Variants in TAB3 observed in about 807,000 individuals in gnomAD.
The protein encoded by TAB3 is TGF-beta activated kinase 1 (MAP3K7) binding protein 3, also known as TGF-beta-activated kinase 1 and MAP3K7-binding protein 3.
TAB3 carries 18 observed loss-of-function variants against 48.1 expected under a neutral mutation model. The observed-to-expected ratio is 0.37, with a 90% confidence interval of 0.26 to 0.55. TAB3 has a LOEUF of 0.55. TAB3 is among the 20% of genes least tolerant of loss of function. The pLI, the probability that TAB3 is intolerant of heterozygous loss-of-function variation, is 0.78. For missense variants in TAB3, 414 were observed against 549.8 expected, an observed-to-expected ratio of 0.75 and a Z score of 2.47; for synonymous variants, 185 against 190.2, an observed-to-expected ratio of 0.97 and a Z score of 0.22.
At chrX:30,855,826 CTG>C (rs1939048540) in intron 5 of TAB3, among the ~76,000 whole-genome samples, 1 of 112,040 alleles carries the variant, frequency 8.9e-6, no homozygotes, top group African/African-American at 3.2e-5. Context: ...CTAATGAACA[CTG>C]TGACTCAACC....
At chrX:30,888,856 C>T (rs1321145633) in intron 1 of TAB3, among the ~76,000 whole-genome samples, 1 of 112,635 alleles carries the variant, frequency 8.9e-6, no homozygotes, top group East Asian at 2.8e-4. Context: ...ATCAAGTCGA[C>T]ACCCCACCCC....
intron 4 of TAB3, among the ~76,000 whole-genome samples, chrX:30,865,405 C>T (rs1478876657): frequency 8.9e-6 from 1 of 112,067 alleles, no homozygotes; most frequent in African/African-American, 3.2e-5. Context: ...TGGTCTGGTC[C>T]AGTAATAATT....
intron 7 of TAB3, among the ~76,000 whole-genome samples, chrX:30,848,393 G>A (rs1441904170): frequency 1.8e-5 from 2 of 111,337 alleles, no homozygotes; most frequent in Non-Finnish European, 3.8e-5. Flanking sequence ...GTGGTGGTGC[G>A]TGCCTGTAGT....
intron 9 of TAB3, among the ~76,000 whole-genome samples, chrX:30,840,062 C>T (rs967067133): frequency 3.8e-4 from 41 of 108,259 alleles, no homozygotes; most frequent in African/African-American, 1.4e-3. Context: ...AAGCTTACTG[C>T]ATAAAGATGT....
At chrX:30,866,727 G>T (rs1471085586) in intron 4 of TAB3, among the ~76,000 whole-genome samples, 1 of 109,429 alleles carries the variant, frequency 9.1e-6, no homozygotes, top group Non-Finnish European at 1.9e-5. Flanking sequence ...ATGAGGGGTG[G>T]GGGGAGCCTC....
chrX:30,838,240 G>T (rs1383010097), intron 9 of TAB3, among the ~76,000 whole-genome samples: 3 of 111,944 alleles, frequency 2.7e-5, no homozygotes, highest in Non-Finnish European at 5.6e-5. Flanking sequence ...TGGGACTATA[G>T]GTGAGGCTGC....
intron 9 of TAB3, among the ~76,000 whole-genome samples, chrX:30,840,967 C>G (rs747573424): frequency 8.9e-6 from 1 of 112,002 alleles, no homozygotes; most frequent in African/African-American, 3.2e-5. Flanking sequence ...CAGGCAAAAT[C>G]GAGTTTAAAG....
chrX:30,845,511 C>T (rs1425484936), intron 8 of TAB3: 1 of 112,041 alleles, frequency 8.9e-6, no homozygotes, highest in Non-Finnish European at 1.9e-5. Flanking sequence ...AAGTAGTCAA[C>T]TGTGCTGTTG....
At chrX:30,842,853 T>C (rs1938499008) in intron 9 of TAB3, 113 bp downstream of exon 9, 1 of 446,539 alleles carries the variant, frequency 2.2e-6, no homozygotes, top group Admixed American at 5.1e-5. Context: ...AAAAATATGG[T>C]AACTTTATGC....
At chrX:30,866,816 T>C (rs1410639709) in intron 4 of TAB3, among the ~76,000 whole-genome samples, 1 of 96,556 alleles carries the variant, frequency 1.0e-5, no homozygotes, top group Non-Finnish European at 2.0e-5. Flanking sequence ...CTCTTAAGTG[T>C]GGAATGCACA....
Position 30,855,392 on chromosome X carries a change from T to C in TAB3, c.273A>G (p.Gln91=). The part of the protein sequence containing the change: ...PSSYHPGDGA[Q]LNGGRTLVHS... ...GTACCAGTGTTCGACCACCATTAAG[T>C]TGGGCTCCATCTCCTGGGTGATAGC... The change falls in exon 6 of 11, where the codon CAA becomes CAG. Residue 91 remains glutamine (Q), a synonymous_variant. Transcript: ENST00000288422. 8.3e-7 allele frequency: 1 copy of C among 1,211,421 alleles called. No homozygotes were observed. Among genetic ancestry groups the C allele is most frequent in the Non-Finnish European group, 1.1e-6 (1 of 895,269 alleles).
At chrX:30,852,363 C>T (rs1025381294) in intron 7 of TAB3, among the ~76,000 whole-genome samples, 25 of 111,781 alleles carry the variant, frequency 2.2e-4, no homozygotes, top group African/African-American at 8.1e-4. Flanking sequence ...TGATCTAACT[C>T]ATCTGAATTA....
At chrX:30,884,028 A>G (rs762141583) in intron 1 of TAB3, among the ~76,000 whole-genome samples, 10 of 111,593 alleles carry the variant, frequency 9.0e-5, no homozygotes, top group South Asian at 3.8e-4. Context: ...ACCTAACAAA[A>G]GGAATGGTGT....
intron 1 of TAB3, among the ~76,000 whole-genome samples, chrX:30,886,292 C>A (rs1489623553): frequency 9.2e-6 from 1 of 109,057 alleles, no homozygotes; most frequent in Non-Finnish European, 1.9e-5. Flanking sequence ...TTCAGAAAGG[C>A]TTTATTTACT....
intron 1 of TAB3, among the ~76,000 whole-genome samples, chrX:30,882,287 T>C (rs925395902): frequency 3.6e-5 from 4 of 112,577 alleles, no homozygotes; most frequent in Non-Finnish European, 7.5e-5. Context: ...ATAACTATGA[T>C]GAGTACTAAA....
At chrX:30,852,282 A>G (rs1424856167) in intron 7 of TAB3, among the ~76,000 whole-genome samples, 1 of 112,126 alleles carries the variant, frequency 8.9e-6, no homozygotes, top group African/African-American at 3.2e-5. Context: ...CAGTTTCTAC[A>G]ATTATTTATA....
At position 30,829,373 on chromosome X, in the gene TAB3, GTATATA is replaced by G. The variant is rs1055833600; in HGVS notation, c.*2048_*2053del. 9.1e-6 allele frequency: 1 copy of G among 110,253 alleles called. No individual in the cohort carries two copies. Among genetic ancestry groups the G allele is most frequent in the South Asian group, 3.8e-4 (1 of 2,617 alleles). 9.1% of individuals were successfully genotyped at this position (110,253 alleles called of 1,213,427 possible). On this transcript the variant is annotated 3_prime_UTR_variant, in exon 11 of 11. Transcript: ENST00000288422. ...AACCTTTTAGCTAGGACACCAAGCA[GTATATA>G]TATATATATTTCCCCTAAATTGTAA...
chrX:30,862,461 A>G lies in TAB3; in HGVS notation c.-90-2783T>C, dbSNP rs1279462717. Among the ~76,000 whole-genome samples the G allele has an allele frequency of 4.5e-5, 5 of 111,775 alleles. No homozygotes were observed. The East Asian group carries it at 8.4e-4, about 19-fold the overall frequency. ...ACCATTGTCTTTTTTATGAGCTAGA[A>G]GAAAAGGCAAGAAGAATCAAAACAC... On this transcript the variant is annotated intron_variant, in intron 4 of 10. Transcript: ENST00000288422.
chrX:30,876,854 C>CG (rs1229359280), intron 1 of TAB3, among the ~76,000 whole-genome samples: 1 of 111,059 alleles, frequency 9.0e-6, no homozygotes, highest in Non-Finnish European at 1.9e-5. Flanking sequence ...AAAGATAGGT[C>CG]GGGGGAAAAT....
Sources: allele counts gnomAD v4.1 joint callset (sites outside exome capture counted in the v4.1 genomes callset), GRCh38; gene constraint gnomAD v4.1.1; transcripts MANE v1.5; gene names NCBI Gene and HGNC (gene_info 2026-07-23, HGNC 2026-07-21).